USP16: variants seen among roughly 807,000 people sequenced by gnomAD.
USP16 encodes ubiquitin carboxyl-terminal hydrolase 16.
USP16 carries 77 observed loss-of-function variants against 95.9 expected under a neutral mutation model. The observed-to-expected ratio is 0.80, with a 90% CI of 0.67 to 0.97. USP16 has a LOEUF of 0.97. Ranked by LOEUF, USP16 falls within the 50% of genes least tolerant of loss-of-function variation. The probability of loss-of-function intolerance (pLI) is 0.00; values close to 1 mark genes in which losing one functional copy is unlikely to be tolerated. For synonymous variants in USP16, 303 were observed against 318.2 expected, an observed-to-expected ratio of 0.95 and a Z score of 0.51; for missense variants, 943 against 959.9, an observed-to-expected ratio of 0.98 and a Z score of 0.23.
chr21:29,038,042 C>G (rs57057123), intron 6 of USP16, among the ~76,000 whole-genome samples: 3,163 of 152,230 alleles, frequency 0.021, 114 homozygotes, highest in African/African-American at 0.072. Flanking sequence ...CAAATACGTA[C>G]CTACAGGTAG....
chr21:29,051,720 A>C (rs1029742057), intron 16 of USP16, among the ~76,000 whole-genome samples: 1 of 151,888 alleles, frequency 6.6e-6, no homozygotes, highest in African/African-American at 2.4e-5. Context: ...AATCCCAGCT[A>C]CTCGGGAGGC....
chr21:29,029,127 C>T (rs2085038844), intron 2 of USP16, among the ~76,000 whole-genome samples: 1 of 152,140 alleles, frequency 6.6e-6, no homozygotes, highest in Non-Finnish European at 1.5e-5. Context: ...AAAAGGTTAC[C>T]TTCTGACCAG....
In USP16 at chr21:29,046,887, C is replaced by A. The variant is rs1343334319; in HGVS notation, c.1577C>A (p.Thr526Asn). 2 of 1,613,940 alleles carry A rather than the reference C, an allele frequency of 1.2e-6. No individual in the cohort carries two copies. Among genetic ancestry groups the A allele is most frequent in the Non-Finnish European group, 1.7e-6 (2 of 1,180,002 alleles). Residue 526 changes from threonine to asparagine, a missense_variant, in exon 14 of 18, where the codon ACT (threonine) becomes AAT (asparagine). Transcript: ENST00000399976. Reference sequence around the variant, plus strand: ...CAAGCAAAAATGATCGAAAGTGTAACTGACAATCAAAAATCCACAGAGGAA... The same window carrying A: ...CAAGCAAAAATGATCGAAAGTGTAAATGACAATCAAAAATCCACAGAGGAA... ...NGQAKMIESV[T>N]DNQKSTEEVD...
intron 16 of USP16, among the ~76,000 whole-genome samples, chr21:29,051,829 C>CA (rs796173178): frequency 0.02 from 2,251 of 111,668 alleles, 39 homozygotes; most frequent in African/African-American, 0.049. Flanking sequence ...GAAACTCCCT[C>CA]AAAAAAAAAA....
rs73192117 is a variant in USP16 at position 29,028,071 on chromosome 21, A to T, written c.61+97A>T. 5.8e-3 allele frequency: 5,163 copies of T among 896,208 alleles called. 40 individuals carry two copies. Among genetic ancestry groups the T allele is most frequent in the Non-Finnish European group, 7.8e-3 (4,560 of 585,440 alleles). The allele number at this position is 896,208 out of a possible 1,614,324, so 55.5% of individuals were successfully genotyped here. A position where few individuals can be genotyped will look rare whatever the true frequency, so the allele number is the denominator to read the frequency against. On this transcript the variant is annotated intron_variant, in intron 2 of 17. Transcript: ENST00000399976. Reference sequence around the variant, plus strand: ...TAAAGCTGCATATTATTGTTATATTATCTGCATTTTAATATAATGTTTGTA... The same window carrying T: ...TAAAGCTGCATATTATTGTTATATTTTCTGCATTTTAATATAATGTTTGTA...
At chr21:29,044,748 A>G (rs2085298564) in intron 13 of USP16, among the ~76,000 whole-genome samples, 1 of 151,452 alleles carries the variant, frequency 6.6e-6, no homozygotes, top group Admixed American at 6.6e-5. Flanking sequence ...TGCCTGGCCC[A>G]TTCTTTCTTT....
intron 2 of USP16, among the ~76,000 whole-genome samples, chr21:29,029,731 A>T: frequency 6.6e-6 from 1 of 152,030 alleles, no homozygotes; most frequent in East Asian, 1.9e-4. Flanking sequence ...ATGCACTTTC[A>T]CATGTTTTTG....
chr21:29,038,581 GT>G, intron 7 of USP16, 151 bp downstream of exon 7: 1 of 639,174 alleles, frequency 1.6e-6, no homozygotes, highest in Admixed American at 2.9e-5. Flanking sequence ...GCTAATAGAA[GT>G]TATAAGGAGG....
At chr21:29,054,013 T>C in intron 17 of USP16, 53 bp from the exon 18 acceptor site, 1 of 1,613,170 alleles carries the variant, frequency 6.2e-7, no homozygotes, top group Non-Finnish European at 8.5e-7. Context: ...AACCAAAAAG[T>C]AATCAACTTG....
Position 29,024,712 on chromosome 21 carries a change from A to C in USP16, c.-107A>C, listed in dbSNP as rs992707203. The stretch of plus-strand genomic sequence containing the variant: ...CGCTCTCAATTCGTCACCAGGAGGA[A>C]GACGGAGCTGGCTGCCCAGCCCAAA... On this transcript the variant is annotated 5_prime_UTR_variant, in exon 1 of 18. Transcript: ENST00000399976. 1.7e-5 allele frequency: 22 copies of C among 1,289,218 alleles called. No individual in the cohort carries two copies. The highest frequency in any genetic ancestry group is 1.8e-5 in the Non-Finnish European group (18 of 988,808). The allele number at this position is 1,289,218 out of a possible 1,614,324, so 79.9% of individuals were successfully genotyped here.
chr21:29,050,326 G>A, intron 16 of USP16, 148 bp downstream of exon 16: 1 of 641,346 alleles, frequency 1.6e-6, no homozygotes, highest in Admixed American at 3.3e-5. Context: ...ATAATTTGAA[G>A]ATTAGTGATG....
intron 1 of USP16, among the ~76,000 whole-genome samples, chr21:29,025,364 G>A (rs537869092): frequency 3.9e-5 from 6 of 152,314 alleles, no homozygotes; most frequent in African/African-American, 1.2e-4. Flanking sequence ...TTTAGATTTT[G>A]TATGGAGTCC....
intron 12 of USP16, chr21:29,042,729 G>A: frequency 2.0e-6 from 1 of 497,770 alleles, no homozygotes; most frequent in South Asian, 3.0e-5. Flanking sequence ...AAAAGATGAT[G>A]TATTCAGAAT....
chr21:29,047,952 A>ATATATATGTGTT (rs2085352445), intron 14 of USP16, among the ~76,000 whole-genome samples: 1 of 150,894 alleles, frequency 6.6e-6, no homozygotes, highest in Non-Finnish European at 1.5e-5. Context: ...GTATGTATAT[A>ATATATATGTGTT]TATATATGTG....
chr21:29,027,267 T>A (rs2085006369), intron 1 of USP16, among the ~76,000 whole-genome samples: 1 of 152,196 alleles, frequency 6.6e-6, no homozygotes, highest in African/African-American at 2.4e-5. Context: ...ATAATGTAAA[T>A]AGTTGAGAAT....
chr21:29,046,831 A>G lies in USP16; in HGVS notation c.1521A>G (p.Glu507=). Residue 507 remains glutamate (E), a synonymous_variant, in exon 14 of 18, where the codon GAA becomes GAG. Coordinates refer to ENST00000399976, the MANE Select transcript of USP16 (RefSeq NM_006447.3). ...HISQEGVMHK[E]YCVNQKDLNG... ...CACAAGAGGGTGTTATGCATAAAGA[A>G]TATTGTGTCAACCAGAAAGATTTGA... 6.2e-7 allele frequency: 1 copy of G among 1,614,204 alleles called. No homozygotes were observed. The highest frequency in any genetic ancestry group is 8.5e-7 in the Non-Finnish European group (1 of 1,180,030).
intron 3 of USP16, 107 bp from the exon 4 acceptor site, chr21:29,034,730 A>G: frequency 9.8e-7 from 1 of 1,019,984 alleles, no homozygotes; most frequent in Non-Finnish European, 1.5e-6. Flanking sequence ...CAAGATTGTA[A>G]GAATGGCAGA....
intron 5 of USP16, 63 bp downstream of exon 5, chr21:29,036,437 A>G: frequency 6.9e-7 from 1 of 1,444,718 alleles, no homozygotes; most frequent in Non-Finnish European, 9.7e-7. Context: ...TGATACTTAG[A>G]TTTGTTATAC....
At chr21:29,045,080 A>G (rs185651949) in intron 13 of USP16, among the ~76,000 whole-genome samples, 2 of 152,282 alleles carry the variant, frequency 1.3e-5, no homozygotes, top group East Asian at 3.9e-4. Context: ...TTTTACATTT[A>G]TTTTAATATA....
Sources: gnomAD v4.1 joint callset for allele counts (sites outside exome capture counted in the v4.1 genomes callset) on GRCh38, gnomAD v4.1.1 for gene constraint, MANE v1.5 for transcripts, NCBI Gene and HGNC (gene_info 2026-07-23, HGNC 2026-07-21) for gene names.